The following SPATA16 variants were observed in gnomAD, a reference collection of about 807,000 sequenced individuals.
The protein encoded by SPATA16 is spermatogenesis-associated protein 16.
A neutral mutation model predicts 63.3 loss-of-function variants in SPATA16; 36 were observed. That is an observed-to-expected ratio of 0.57 (90% CI 0.44 to 0.75). The LOEUF is 0.75. SPATA16 is among the 30% of genes least tolerant of loss of function. The pLI, the probability that SPATA16 is intolerant of heterozygous loss-of-function variation, is 0.00. For missense variants in SPATA16, 646 were observed against 679.3 expected (o/e 0.95, Z 0.54); for synonymous variants, 203 against 216.7 (o/e 0.94, Z 0.56).
intron 5 of SPATA16, among the ~76,000 whole-genome samples, chr3:172,957,288 C>G (rs2108235145): frequency 6.6e-6 from 1 of 152,020 alleles, no homozygotes; most frequent in East Asian, 1.9e-4. Flanking sequence ...TTTTCTTTTT[C>G]CAATACCTGG....
At chr3:173,032,778 C>G (rs1462777808) in intron 3 of SPATA16, among the ~76,000 whole-genome samples, 1 of 152,114 alleles carries the variant, frequency 6.6e-6, no homozygotes, top group East Asian at 1.9e-4. Flanking sequence ...CCACCGCAGA[C>G]TTCTCCATAA....
chr3:172,971,060 A>G (rs553528292), intron 5 of SPATA16, among the ~76,000 whole-genome samples: 1 of 152,308 alleles, frequency 6.6e-6, no homozygotes, highest in Non-Finnish European at 1.5e-5. Context: ...GTCTGTTTAG[A>G]GAAATCTATT....
intron 4 of SPATA16, among the ~76,000 whole-genome samples, chr3:172,982,474 T>A (rs1032681062): frequency 1.3e-5 from 2 of 152,236 alleles, no homozygotes; most frequent in African/African-American, 4.8e-5. Flanking sequence ...CAGTCATATG[T>A]CAGCAGTTAT....
At chr3:172,907,792 G>C (rs527687718) in intron 10 of SPATA16, among the ~76,000 whole-genome samples, 1 of 151,988 alleles carries the variant, frequency 6.6e-6, no homozygotes, top group African/African-American at 2.4e-5. Flanking sequence ...TAGCCAGGCT[G>C]GTCTCAAACT....
chr3:173,116,073 G>A (rs1355401846), intron 2 of SPATA16, among the ~76,000 whole-genome samples: 4 of 151,950 alleles, frequency 2.6e-5, no homozygotes, highest in Admixed American at 2.0e-4. Context: ...TTTACATTTT[G>A]TAGAGATAGG....
chr3:172,963,077 T>C (rs1394780553), intron 5 of SPATA16, among the ~76,000 whole-genome samples: 1 of 152,132 alleles, frequency 6.6e-6, no homozygotes, highest in Non-Finnish European at 1.5e-5. Flanking sequence ...ATGATTTTAG[T>C]ATAATGGTGT....
intron 2 of SPATA16, among the ~76,000 whole-genome samples, chr3:173,062,821 T>C (rs530720918): frequency 1.2e-4 from 19 of 152,170 alleles, no homozygotes; most frequent in South Asian, 4.1e-4. Context: ...CAGTTCTTCC[T>C]CAGATTATCA....
At chr3:173,060,288 C>T (rs1045824824) in intron 2 of SPATA16, among the ~76,000 whole-genome samples, 11 of 151,790 alleles carry the variant, frequency 7.2e-5, no homozygotes, top group East Asian at 1.9e-4. Context: ...AAGATGGAGA[C>T]GTGAGAAGGT....
At chr3:172,927,822 A>C (rs71310529) in intron 6 of SPATA16, among the ~76,000 whole-genome samples, 7,048 of 152,298 alleles carry the variant, frequency 0.046, 235 homozygotes, top group South Asian at 0.11. Context: ...AGAAAAGTAT[A>C]CTAAATGCTG....
At chr3:172,919,146 C>T (rs778092692) in intron 8 of SPATA16, among the ~76,000 whole-genome samples, 4 of 152,154 alleles carry the variant, frequency 2.6e-5, no homozygotes, top group Non-Finnish European at 4.4e-5. Context: ...CCTGTGAAGG[C>T]GGCTTCATGC....
At chr3:173,050,119 C>A (rs1451212662) in intron 2 of SPATA16, among the ~76,000 whole-genome samples, 1 of 151,988 alleles carries the variant, frequency 6.6e-6, no homozygotes, top group Non-Finnish European at 1.5e-5. Flanking sequence ...AATAAATTTT[C>A]TTTTATAGGT....
Position 173,030,091 on chromosome 3 carries a change from TATCTATCTATCTACCC to T in SPATA16, c.759-10532_759-10517del, listed in dbSNP as rs558461276. On this transcript the variant is annotated intron_variant, in intron 3 of 10. Coordinates refer to ENST00000351008, the MANE Select transcript of SPATA16 (RefSeq NM_031955.6). ...CTATCTATCTATCTATCTATCTATC[TATCTATCTATCTACCC>T]ACCCACCTACCTGTCTATCTATATT... 8.8e-3 allele frequency among the ~76,000 whole-genome samples: 1,328 copies of T among 151,568 alleles called. 21 individuals are homozygous for T. Among genetic ancestry groups the T allele is most frequent in the African/African-American group, 0.031 (1,279 of 41,308 alleles).
intron 2 of SPATA16, among the ~76,000 whole-genome samples, chr3:173,115,569 G>A (rs935657449): frequency 1.3e-5 from 2 of 152,126 alleles, no homozygotes; most frequent in African/African-American, 4.8e-5. Flanking sequence ...AGAAGTTTAC[G>A]TAGTACATCA....
intron 6 of SPATA16, among the ~76,000 whole-genome samples, chr3:172,928,470 G>T (rs1476552328): frequency 6.6e-6 from 1 of 152,200 alleles, no homozygotes; most frequent in Non-Finnish European, 1.5e-5. Context: ...TGAAAAGGCA[G>T]CTGAGTAACC....
chr3:173,086,829 T>C (rs562813873), intron 2 of SPATA16, among the ~76,000 whole-genome samples: 6 of 152,286 alleles, frequency 3.9e-5, no homozygotes, highest in Non-Finnish European at 7.4e-5. Flanking sequence ...TCAATTTCCA[T>C]GTAGTTGCAT....
At chr3:172,953,583 A>G (rs938914773) in intron 6 of SPATA16, among the ~76,000 whole-genome samples, 1 of 152,196 alleles carries the variant, frequency 6.6e-6, no homozygotes, top group South Asian at 2.1e-4. Flanking sequence ...ACCCATGTAG[A>G]TGCCTTGGGT....
At chr3:172,978,628 T>C (rs189853071) in intron 4 of SPATA16, among the ~76,000 whole-genome samples, 29 of 152,312 alleles carry the variant, frequency 1.9e-4, no homozygotes, top group Non-Finnish European at 3.4e-4. Flanking sequence ...CTTCTACCAT[T>C]AACATTTGGA....
At chr3:172,949,645 G>A (rs528307097) in intron 6 of SPATA16, among the ~76,000 whole-genome samples, 7 of 152,180 alleles carry the variant, frequency 4.6e-5, no homozygotes, top group South Asian at 4.2e-4. Context: ...AAGTGTTAAC[G>A]GTTGAGCACT....
intron 3 of SPATA16, among the ~76,000 whole-genome samples, chr3:173,026,111 G>A (rs1735448517): frequency 6.6e-6 from 1 of 151,888 alleles, no homozygotes; most frequent in African/African-American, 2.4e-5. Flanking sequence ...CGTGTGTTGT[G>A]TTTAAAGTTT....
Sources: allele counts gnomAD v4.1 joint callset (sites outside exome capture counted in the v4.1 genomes callset), GRCh38; gene constraint gnomAD v4.1.1; transcripts MANE v1.5; gene names NCBI Gene and HGNC (gene_info 2026-07-23, HGNC 2026-07-21).